PPP2R5C: variants seen among roughly 807,000 people sequenced by gnomAD.
The protein encoded by PPP2R5C is protein phosphatase 2 regulatory subunit B'gamma, also known as serine/threonine-protein phosphatase 2A 56 kDa regulatory subunit gamma isoform.
In PPP2R5C, 7 loss-of-function variants were observed where a neutral mutation model predicts 68.9. The observed-to-expected ratio is 0.10, with a 90% confidence interval of 0.06 to 0.19. PPP2R5C has a LOEUF of 0.19. Ranked by LOEUF, PPP2R5C falls within the 10% of genes least tolerant of loss-of-function variation. The pLI is 1.00. For synonymous variants in PPP2R5C, 210 were observed against 222.2 expected, an observed-to-expected ratio of 0.95 and a Z score of 0.49; for missense variants, 348 against 641.3, an observed-to-expected ratio of 0.54 and a Z score of 4.94.
At position 101,794,325 on chromosome 14, in the gene PPP2R5C, AT is replaced by A. The variant is rs200195112; in HGVS notation, c.259+8143del. ...TTCTCTTAAACAGTTCCCAAAAACA[AT>A]ATTGATATTACTGCAAACAGTTGGA... On this transcript the variant is annotated intron_variant, in intron 3 of 14. Coordinates refer to the PPP2R5C transcript ENST00000328724. Among the ~76,000 whole-genome samples, 1,139 of 152,368 alleles carry A rather than the reference AT, an allele frequency of 7.5e-3. 20 individuals carry two copies. Among genetic ancestry groups the A allele is most frequent in the African/African-American group, 0.026 (1,070 of 41,584 alleles).
At chr14:101,898,256 G>A (rs114646907) in intron 8 of PPP2R5C, among the ~76,000 whole-genome samples, 1,768 of 152,156 alleles carry the variant, frequency 0.012, 42 homozygotes, top group African/African-American at 0.041. Flanking sequence ...TTCTTTGTGC[G>A]TATTTCTCAT....
At chr14:101,829,942 CAA>C (rs3831046) in intron 1 of PPP2R5C, among the ~76,000 whole-genome samples, 6 of 149,144 alleles carry the variant, frequency 4.0e-5, no homozygotes, top group African/African-American at 1.5e-4. Context: ...TCCATAGTGG[CAA>C]AAAAAAAAAT....
chr14:101,791,432 C>T (rs1348254400), intron 3 of PPP2R5C, among the ~76,000 whole-genome samples: 1 of 151,972 alleles, frequency 6.6e-6, no homozygotes. Flanking sequence ...TTTATTTTAA[C>T]AGAAAATAAA....
rs111898715 is a variant in PPP2R5C at position 101,884,227 on chromosome 14, C to T, written c.629+665C>T. ...TCAGCCAGTCTAGCCCTTCCACGTT[C>T]CTCTGCCTGCTTAATTCTGGCCGCA... is the stretch of plus-strand genomic sequence containing the variant. On this transcript the variant is annotated intron_variant, in intron 5 of 13. Transcript: ENST00000334743. Among the ~76,000 whole-genome samples, 100 of 152,334 alleles carry T rather than the reference C, an allele frequency of 6.6e-4. 1 individual carries two copies. The highest frequency in any genetic ancestry group is 2.1e-3 in the African/African-American group (88 of 41,584).
Position 101,768,132 on chromosome 14 carries a change from A to G in PPP2R5C, c.93+5162A>G, listed in dbSNP as rs538148940. On this transcript the variant is annotated intron_variant, in intron 2 of 14. Coordinates refer to the PPP2R5C transcript ENST00000328724. ...TGCCAGTGGCCCACTGCCCCCACCA[A>G]CTGTGACAACCAAAATGCATCCAGA... Among the ~76,000 whole-genome samples the G allele has an allele frequency of 5.3e-5, 8 of 152,296 alleles. No homozygotes were observed. The East Asian group carries it at 1.5e-3, about 29-fold the overall frequency.
At chr14:101,854,126 G>A (rs183290296) in intron 1 of PPP2R5C, among the ~76,000 whole-genome samples, 36 of 152,260 alleles carry the variant, frequency 2.4e-4, no homozygotes, top group African/African-American at 7.0e-4. Flanking sequence ...ACAGTTACTC[G>A]TTTCAAATAG....
chr14:101,863,494 C>T (rs533247183), intron 2 of PPP2R5C, among the ~76,000 whole-genome samples: 31 of 152,184 alleles, frequency 2.0e-4, no homozygotes, highest in African/African-American at 7.0e-4. Flanking sequence ...GATTTGCAAC[C>T]GTTTTGAGGA....
chr14:101,834,582 C>T (rs753805104), intron 1 of PPP2R5C, among the ~76,000 whole-genome samples: 19 of 152,292 alleles, frequency 1.2e-4, no homozygotes, highest in East Asian at 7.7e-4. Flanking sequence ...TTCACTGGTG[C>T]GTTGCCAGCC....
At chr14:101,923,851 C>T (rs927777557) in intron 13 of PPP2R5C, among the ~76,000 whole-genome samples, 3 of 117,784 alleles carry the variant, frequency 2.5e-5, no homozygotes, top group African/African-American at 1.2e-4. Flanking sequence ...TTCATTAAAG[C>T]GAAGGAAAAT....
At position 101,790,254 on chromosome 14, in the gene PPP2R5C, T is replaced by C. The variant is rs2038296935; in HGVS notation, c.259+4071T>C. Among the ~76,000 whole-genome samples the C allele has an allele frequency of 1.3e-5, 2 of 152,360 alleles. 1 individual carries two copies. The highest frequency in any genetic ancestry group is 3.9e-4 in the East Asian group (2 of 5,190). On this transcript the variant is annotated intron_variant, in intron 3 of 14. Transcript: ENST00000328724. ...ACTTTTCAAGTCATAGGTTTTTCTT[T>C]TTTAGAGTTGAGGCATAATTTACAT...
chr14:101,915,418 T>C lies in PPP2R5C; in HGVS notation c.1327-2413T>C, dbSNP rs1168497940. Among the ~76,000 whole-genome samples, 1 of 152,200 alleles carries C rather than the reference T, an allele frequency of 6.6e-6. No homozygotes were observed. The highest frequency in any genetic ancestry group is 6.5e-5 in the Admixed American group (1 of 15,278). ...TTTATTCCTAGTCAGAACCCTCTCCTGCCAGTGCCCGCTGTGTGAGGTTTA... is the reference window on the plus strand; with the variant it reads ...TTTATTCCTAGTCAGAACCCTCTCCCGCCAGTGCCCGCTGTGTGAGGTTTA... On this transcript the variant is annotated intron_variant, in intron 12 of 13. Coordinates refer to ENST00000334743, the Ensembl canonical transcript of PPP2R5C. This position sits in a 1 kb window ranked among gnomAD's most constrained non-coding sequence, Gnocchi z 4.2.
intron 1 of PPP2R5C, among the ~76,000 whole-genome samples, chr14:101,840,275 T>C (rs138612399): frequency 3.7e-3 from 568 of 152,228 alleles, no homozygotes; most frequent in Non-Finnish European, 6.7e-3. Flanking sequence ...CTCAAGTTCC[T>C]GAAAGAAGCA....
At chr14:101,809,970 A>T in exon 1 of PPP2R5C, 1 of 1,614,006 alleles carries the variant, frequency 6.2e-7, no homozygotes, top group Non-Finnish European at 8.5e-7. Context: ...AGCGGGCAGC[A>T]GGATGGTGGT....
chr14:101,894,758 G>T (rs1419246805), intron 8 of PPP2R5C, among the ~76,000 whole-genome samples, 198 bp downstream of exon 10: 1 of 152,116 alleles, frequency 6.6e-6, no homozygotes, highest in Non-Finnish European at 1.5e-5. Flanking sequence ...CTTTATTATA[G>T]TGATTATTTT....
intron 2 of PPP2R5C, among the ~76,000 whole-genome samples, chr14:101,858,241 C>T (rs895879331): frequency 1.3e-5 from 2 of 152,126 alleles, no homozygotes; most frequent in Non-Finnish European, 2.9e-5. Flanking sequence ...ACTTTGGAGG[C>T]CCACTCTAGC....
rs139655076 is a variant in PPP2R5C at position 101,843,832 on chromosome 14, C to T, written c.95-12854C>T. ...GATATTCTGAAGAGTTTCACATCCTCCTGTCTCTGACTCTGCATCTTCCTC... is the reference window on the plus strand; with the variant it reads ...GATATTCTGAAGAGTTTCACATCCTTCTGTCTCTGACTCTGCATCTTCCTC... On this transcript the variant is annotated intron_variant, in intron 1 of 13. Transcript: ENST00000334743. 24 of 209,584 alleles carry T rather than the reference C, an allele frequency of 1.1e-4. No homozygotes were observed. In the East Asian group the frequency reaches 2.9e-3, roughly 26 times the overall value. 13.0% of individuals were successfully genotyped at this position (209,584 alleles called of 1,614,324 possible).
At chr14:101,853,037 T>C (rs1256000066) in intron 1 of PPP2R5C, among the ~76,000 whole-genome samples, 2 of 152,216 alleles carry the variant, frequency 1.3e-5, no homozygotes, top group African/African-American at 2.4e-5. Context: ...CGTAAAGGTA[T>C]GAAGCATATT....
rs2037282555 is a variant in PPP2R5C at position 101,773,944 on chromosome 14, C to T, written c.93+10974C>T. 2.0e-5 allele frequency among the ~76,000 whole-genome samples: 3 copies of T among 152,252 alleles called. No homozygotes were observed. The South Asian group carries it at 6.2e-4, about 31-fold the overall frequency. ...TCCTGGCCTCAAGCGATCCTCCTAC[C>T]TCGGCCTTCCGAAGTGCTGGGATTA... On this transcript the variant is annotated intron_variant, in intron 2 of 14. Coordinates refer to the PPP2R5C transcript ENST00000328724.
intron 5 of PPP2R5C, among the ~76,000 whole-genome samples, chr14:101,884,978 C>A (rs942046703): frequency 1.3e-5 from 2 of 152,278 alleles, no homozygotes; most frequent in Non-Finnish European, 2.9e-5. Context: ...TGAGCAGTTT[C>A]TTCTACAAGT....
Sources: gnomAD v4.1 joint callset for allele counts (sites outside exome capture counted in the v4.1 genomes callset) on GRCh38, gnomAD v4.1.1 for gene constraint, Gnocchi (gnomAD v3.1) non-coding constraint, MANE v1.5 for transcripts, NCBI Gene and HGNC (gene_info 2026-07-23, HGNC 2026-07-21) for gene names.